The following PCDHGA5 variants were observed in gnomAD, a reference collection of about 807,000 sequenced individuals.
PCDHGA5 encodes the protein protocadherin gamma subfamily A, 5.
A neutral mutation model predicts 56.7 loss-of-function variants in PCDHGA5; 36 were observed. The observed-to-expected ratio is 0.64, with a 90% confidence interval of 0.49 to 0.84. PCDHGA5 has a LOEUF of 0.84. Among genes scored for constraint, PCDHGA5 ranks in the 40% least tolerant of loss-of-function variants. PCDHGA5 has a pLI of 0.00. For missense variants in PCDHGA5, 1,305 were observed against 1,201.5 expected, an observed-to-expected ratio of 1.09 and a Z score of -1.27; for synonymous variants, 563 against 520.2, an observed-to-expected ratio of 1.08 and a Z score of -1.12.
At chr5:141,499,025 G>A (rs561539084) in intron 2 of PCDHGA5, among the ~76,000 whole-genome samples, 4 of 140,712 alleles carry the variant, frequency 2.8e-5, no homozygotes, top group Admixed American at 1.4e-4. Context: ...AGGAAGGAAG[G>A]AAGAAAAGAA....
chr5:141,481,622 G>A (rs957374253), intron 1 of PCDHGA5, among the ~76,000 whole-genome samples: 6 of 151,854 alleles, frequency 4.0e-5, no homozygotes, highest in African/African-American at 1.2e-4. Flanking sequence ...GTTCAAGACC[G>A]GCCTGGCCAA....
At chr5:141,488,069 C>T (rs1197698273) in intron 1 of PCDHGA5, among the ~76,000 whole-genome samples, 1 of 152,072 alleles carries the variant, frequency 6.6e-6, no homozygotes, top group Non-Finnish European at 1.5e-5. Context: ...ATCTTTGTCT[C>T]CCAGTATCTA....
At chr5:141,389,062 T>G (rs991150761) in intron 1 of PCDHGA5, 1 of 1,613,856 alleles carries the variant, frequency 6.2e-7, no homozygotes, top group African/African-American at 1.3e-5. Context: ...TTTAAAATAT[T>G]AACTTCTTCA....
At chr5:141,421,770 G>T in intron 1 of PCDHGA5, 6 of 1,613,856 alleles carry the variant, frequency 3.7e-6, no homozygotes, top group East Asian at 2.2e-5. Context: ...ACTTTTCCTT[G>T]CAACTGCGGG....
At chr5:141,430,817 C>T (rs200369093) in intron 1 of PCDHGA5, 2 of 1,539,796 alleles carry the variant, frequency 1.3e-6, no homozygotes, top group Non-Finnish European at 1.7e-6. Flanking sequence ...GGGAATCCTC[C>T]TGGGGACTCT....
intron 1 of PCDHGA5, chr5:141,415,955 G>A: frequency 8.5e-6 from 4 of 472,662 alleles, no homozygotes; most frequent in Non-Finnish European, 1.3e-5. Context: ...GTCACATATT[G>A]AAACTCCAGC....
chr5:141,397,609 G>A (rs2093544805), intron 1 of PCDHGA5, among the ~76,000 whole-genome samples: 1 of 152,186 alleles, frequency 6.6e-6, no homozygotes. Flanking sequence ...AGTGACAAGG[G>A]CAATACTTAG....
chr5:141,423,775 T>A, intron 1 of PCDHGA5: 1 of 1,209,960 alleles, frequency 8.3e-7, no homozygotes, highest in Non-Finnish European at 1.1e-6. Context: ...GCGGCATATA[T>A]TTAGTTCATA....
chr5:141,389,411 CG>C, intron 1 of PCDHGA5: 2 of 1,613,568 alleles, frequency 1.2e-6, no homozygotes, highest in South Asian at 2.2e-5. Flanking sequence ...GCGCGGAGAG[CG>C]GGGTGGTGTT....
At chr5:141,370,566 G>A (rs1435194391) in intron 1 of PCDHGA5, 3 of 1,613,936 alleles carry the variant, frequency 1.9e-6, no homozygotes, top group Non-Finnish European at 2.5e-6. Flanking sequence ...GGGGTTTGGC[G>A]TGGGGGATTT....
chr5:141,488,656 G>A (rs2099678001), intron 1 of PCDHGA5, among the ~76,000 whole-genome samples: 1 of 152,200 alleles, frequency 6.6e-6, no homozygotes, highest in African/African-American at 2.4e-5. Flanking sequence ...ATGGGGGAGG[G>A]TGGGGGAATA....
Position 141,486,695 on chromosome 5 carries a change from A to T in PCDHGA5, c.2422-8112A>T. On this transcript the variant is annotated intron_variant, in intron 1 of 3. Coordinates refer to ENST00000518069, the MANE Select transcript of PCDHGA5 (RefSeq NM_018918.3). The surrounding 1 kb of genome is among the most constrained non-coding windows in gnomAD (Gnocchi z 5.0). ...TCGAGATGTATCAGCTTCCTCTTTC[A>T]TCTCTCTGAACCCCCAGACAGGAGC... The T allele has an allele frequency of 6.2e-7, 1 of 1,613,912 alleles. No homozygotes were observed. The highest frequency in any genetic ancestry group is 8.5e-7 in the Non-Finnish European group (1 of 1,179,980).
In PCDHGA5 at chr5:141,405,105, A is replaced by T. The variant is rs1239308721; in HGVS notation, c.2421+38354A>T. The T allele has an allele frequency of 5.6e-6, 9 of 1,613,756 alleles. No individual in the cohort carries two copies. In the Admixed American group the frequency reaches 1.5e-4, roughly 27 times the overall value. Reference sequence around the variant, plus strand: ...ACGCTGCTGGCCCTCAGGCTGAGGCACTGGCACTCCTCGCATCTGCTGCGG... The same window carrying T: ...ACGCTGCTGGCCCTCAGGCTGAGGCTCTGGCACTCCTCGCATCTGCTGCGG... On this transcript the variant is annotated intron_variant, in intron 1 of 3. Coordinates refer to ENST00000518069, the MANE Select transcript of PCDHGA5 (RefSeq NM_018918.3).
chr5:141,441,810 C>A, intron 1 of PCDHGA5: 1 of 372,576 alleles, frequency 2.7e-6, no homozygotes. Context: ...GGTGCTGTAC[C>A]CCAGCTCTGG....
chr5:141,401,765 G>C (rs2094191872), intron 1 of PCDHGA5, among the ~76,000 whole-genome samples: 1 of 152,138 alleles, frequency 6.6e-6, no homozygotes. Context: ...CATGGTATAA[G>C]TCTTTTGCTT....
intron 1 of PCDHGA5, among the ~76,000 whole-genome samples, chr5:141,459,742 T>C (rs2098974738): frequency 6.6e-6 from 1 of 152,248 alleles, no homozygotes; most frequent in Non-Finnish European, 1.5e-5. Context: ...TTTTAAATTT[T>C]AGCAATTCTA....
chr5:141,372,646 C>G (rs1768939732), intron 1 of PCDHGA5: 1 of 1,614,008 alleles, frequency 6.2e-7, no homozygotes, highest in Non-Finnish European at 8.5e-7. Context: ...TTGCCTTATT[C>G]CTACAATCCG....
At chr5:141,505,261 T>C in intron 2 of PCDHGA5, 132 bp from the exon 3 acceptor site, 1 of 1,505,282 alleles carries the variant, frequency 6.6e-7, no homozygotes. Context: ...GCCTCCTACC[T>C]TGCTGAGAGA....
At chr5:141,393,845 AC>A in intron 1 of PCDHGA5, 1 of 1,613,966 alleles carries the variant, frequency 6.2e-7, no homozygotes, top group South Asian at 1.1e-5. Flanking sequence ...ATGACAATAG[AC>A]CAGAAGTGAT....
Sources: gnomAD v4.1 joint callset for allele counts (sites outside exome capture counted in the v4.1 genomes callset) on GRCh38, gnomAD v4.1.1 for gene constraint, Gnocchi (gnomAD v3.1) non-coding constraint, MANE v1.5 for transcripts, NCBI Gene and HGNC (gene_info 2026-07-23, HGNC 2026-07-21) for gene names.